The following ACSM3 variants were observed in gnomAD, a reference collection of about 807,000 sequenced individuals.
ACSM3 encodes acyl-CoA synthetase medium chain family member 3, also known as acyl-coenzyme A synthetase ACSM3, mitochondrial.
ACSM3 carries 61 observed loss-of-function variants against 74.1 expected under a neutral mutation model. The observed-to-expected ratio is 0.82, with a 90% CI of 0.67 to 1.02. The LOEUF (loss-of-function observed/expected upper bound fraction) is 1.02, where lower values mean the gene tolerates loss of function less well. ACSM3 is among the 50% of genes least tolerant of loss of function. ACSM3 has a pLI of 0.00. For missense variants in ACSM3, 660 were observed against 697.0 expected, an observed-to-expected ratio of 0.95 and a Z score of 0.60; for synonymous variants, 213 against 241.5, an observed-to-expected ratio of 0.88 and a Z score of 1.09.
intron 1 of ACSM3, among the ~76,000 whole-genome samples, chr16:20,749,063 C>T (rs996122245): frequency 6.0e-5 from 9 of 149,678 alleles, no homozygotes; most frequent in African/African-American, 2.2e-4. Flanking sequence ...TCCGTCTCCA[C>T]AAAAAAAGAA....
At chr16:20,693,541 T>C (rs1350682882) in intron 1 of ACSM3, among the ~76,000 whole-genome samples, 1 of 152,196 alleles carries the variant, frequency 6.6e-6, no homozygotes, top group Non-Finnish European at 1.5e-5. Context: ...TCAACAATGA[T>C]AAAATACCGG....
chr16:20,707,321 C>T (rs534540978), intron 1 of ACSM3, among the ~76,000 whole-genome samples: 1 of 152,290 alleles, frequency 6.6e-6, no homozygotes, highest in South Asian at 2.1e-4. Context: ...ATTTCTGTCT[C>T]AGTTGTAGAC....
chr16:20,759,023 AT>A (rs2080054625), upstream of ACSM3, among the ~76,000 whole-genome samples: 1 of 152,040 alleles, frequency 6.6e-6, no homozygotes, highest in Non-Finnish European at 1.5e-5. Flanking sequence ...GTTCTTTTAC[AT>A]TTGCTGAAGA....
chr16:20,746,509 T>C (rs915506965), intron 1 of ACSM3, among the ~76,000 whole-genome samples: 3 of 152,208 alleles, frequency 2.0e-5, no homozygotes, highest in African/African-American at 4.8e-5. Flanking sequence ...TAAAATAACA[T>C]AAAATGCGTA....
chr16:20,731,492 A>C (rs1393952531), intron 1 of ACSM3: 2 of 213,806 alleles, frequency 9.4e-6, no homozygotes, highest in Non-Finnish European at 1.8e-5. Flanking sequence ...CTTTGTTCAG[A>C]AGCAATCTCT....
intron 1 of ACSM3, among the ~76,000 whole-genome samples, chr16:20,693,163 C>T (rs2079671113): frequency 1.4e-5 from 2 of 148,046 alleles, no homozygotes; most frequent in African/African-American, 2.5e-5. Flanking sequence ...GAGCAAAATT[C>T]CGTCTCAAAA....
At chr16:20,724,596 G>T (rs1343635831) in intron 1 of ACSM3, among the ~76,000 whole-genome samples, 1 of 152,188 alleles carries the variant, frequency 6.6e-6, no homozygotes, top group Non-Finnish European at 1.5e-5. Flanking sequence ...AATTGTCCCT[G>T]TTTGCAGATG....
chr16:20,708,611 TGAA>T (rs145603201), intron 1 of ACSM3, among the ~76,000 whole-genome samples: 3,114 of 152,230 alleles, frequency 0.02, 114 homozygotes, highest in African/African-American at 0.071. Flanking sequence ...TGGAAAAAAT[TGAA>T]GAAGACACAA....
intron 1 of ACSM3, chr16:20,737,879 T>C (rs1318997831): frequency 1.9e-6 from 3 of 1,613,968 alleles, no homozygotes; most frequent in Non-Finnish European, 2.5e-6. Flanking sequence ...ATGGGTAACA[T>C]TCGCAAAATA....
At chr16:20,689,624 T>C (rs952877104) in intron 1 of ACSM3, among the ~76,000 whole-genome samples, 11 of 152,346 alleles carry the variant, frequency 7.2e-5, no homozygotes, top group African/African-American at 2.4e-4. Flanking sequence ...ATTGTTTTTA[T>C]AATAAAATGC....
At chr16:20,731,663 A>G in intron 1 of ACSM3, 1 of 399,604 alleles carries the variant, frequency 2.5e-6, no homozygotes, top group Non-Finnish European at 4.5e-6. Context: ...TGTAAGTCCT[A>G]CAGCCTAGAG....
At chr16:20,696,174 A>C (rs1393655415) in intron 1 of ACSM3, among the ~76,000 whole-genome samples, 1 of 152,188 alleles carries the variant, frequency 6.6e-6, no homozygotes, top group Non-Finnish European at 1.5e-5. Context: ...GTGTAAGTAC[A>C]CTCTATGAGT....
chr16:20,741,645 T>A (rs138531910), intron 1 of ACSM3: 1 of 1,582,924 alleles, frequency 6.3e-7, no homozygotes, highest in Non-Finnish European at 8.6e-7. Context: ...CCCGCCAGCG[T>A]CGCAGCGCCG....
intron 12 of ACSM3, among the ~76,000 whole-genome samples, chr16:20,795,048 G>A (rs1054833470): frequency 4.6e-5 from 7 of 152,272 alleles, no homozygotes; most frequent in South Asian, 4.1e-4. Flanking sequence ...TGTTAATGCA[G>A]CAGAGCTAGC....
chr16:20,687,991 A>T (rs62033284), intron 1 of ACSM3, among the ~76,000 whole-genome samples: 23,253 of 151,970 alleles, frequency 0.15, 2,339 homozygotes, highest in East Asian at 0.34. Flanking sequence ...AGGCTGAGGC[A>T]GGAGAATTGC....
chr16:20,792,462 T>C (rs976727410), intron 12 of ACSM3, 127 bp downstream of exon 12: 3 of 1,522,100 alleles, frequency 2.0e-6, no homozygotes, highest in Admixed American at 4.1e-5. Context: ...CAGATAGAAA[T>C]ATGCTAGTCA....
At chr16:20,749,803 T>G (rs1242390243) in intron 1 of ACSM3, 1 of 152,280 alleles carries the variant, frequency 6.6e-6, no homozygotes, top group East Asian at 1.9e-4. Flanking sequence ...GTAAGCCCTC[T>G]AACTCCAATC....
chr16:20,723,973 G>A (rs989405592), intron 1 of ACSM3, among the ~76,000 whole-genome samples: 1 of 152,156 alleles, frequency 6.6e-6, no homozygotes, highest in Non-Finnish European at 1.5e-5. Context: ...TGTCCTGAAT[G>A]GTAATGCCTA....
intron 1 of ACSM3, among the ~76,000 whole-genome samples, chr16:20,740,043 G>A (rs1005437915): frequency 1.3e-5 from 2 of 152,052 alleles, no homozygotes; most frequent in Non-Finnish European, 2.9e-5. Context: ...AAATACCTGT[G>A]GAATTAAAAA....
Sources: allele counts gnomAD v4.1 joint callset (sites outside exome capture counted in the v4.1 genomes callset), GRCh38; gene constraint gnomAD v4.1.1; transcripts MANE v1.5; gene names NCBI Gene and HGNC (gene_info 2026-07-23, HGNC 2026-07-21).